The following GLRA3 variants were observed in gnomAD, a reference collection of about 807,000 sequenced individuals.
The protein encoded by GLRA3 is glycine receptor alpha 3, also known as glycine receptor subunit alpha-3.
A neutral mutation model predicts 60.4 loss-of-function variants in GLRA3; 44 were observed. The observed-to-expected ratio is 0.73, with a 90% CI of 0.57 to 0.94. GLRA3 has a LOEUF of 0.94. GLRA3 is among the 40% of genes least tolerant of loss of function. The probability of loss-of-function intolerance (pLI) is 0.00; values close to 1 mark genes in which losing one functional copy is unlikely to be tolerated. For synonymous variants in GLRA3, 223 were observed against 192.9 expected, an observed-to-expected ratio of 1.16 and a Z score of -1.29; for missense variants, 508 against 564.6, an observed-to-expected ratio of 0.90 and a Z score of 1.02.
At chr4:174,699,812 A>ATAATTTATTTGT in intron 5 of GLRA3, among the ~76,000 whole-genome samples, 1 of 9,002 alleles carries the variant, frequency 1.1e-4, no homozygotes, top group Non-Finnish European at 4.5e-4. Flanking sequence ...TATTTAATTA[A>ATAATTTATTTGT]TAATTAATAA....
chr4:174,809,011 T>C (rs1404849264), intron 1 of GLRA3, among the ~76,000 whole-genome samples: 1 of 152,162 alleles, frequency 6.6e-6, no homozygotes, highest in Non-Finnish European at 1.5e-5. Context: ...AATTCGACAC[T>C]AGTGTACAGT....
intron 2 of GLRA3, among the ~76,000 whole-genome samples, chr4:174,778,873 A>C (rs1317269519): frequency 6.6e-6 from 1 of 152,244 alleles, no homozygotes; most frequent in Middle Eastern, 3.2e-3. Context: ...TCAAACTGCA[A>C]GGCGGCAGTG....
chr4:174,809,603 C>T (rs1257028469), intron 1 of GLRA3, among the ~76,000 whole-genome samples: 1 of 152,014 alleles, frequency 6.6e-6, no homozygotes, highest in Non-Finnish European at 1.5e-5. Context: ...TATGGTGGCA[C>T]ATGCCTCTAA....
intron 3 of GLRA3, among the ~76,000 whole-genome samples, chr4:174,748,283 G>T (rs1737328081): frequency 6.6e-6 from 1 of 152,164 alleles, no homozygotes; most frequent in Admixed American, 6.5e-5. Context: ...AAGATGTCAA[G>T]AAAGTTTAAG....
chr4:174,826,367 C>A (rs987250151), intron 1 of GLRA3, among the ~76,000 whole-genome samples: 8 of 151,950 alleles, frequency 5.3e-5, no homozygotes, highest in Non-Finnish European at 7.4e-5. Context: ...AAAAGATATA[C>A]TTATTATATA....
At chr4:174,792,785 A>C (rs1041980416) in intron 1 of GLRA3, among the ~76,000 whole-genome samples, 4 of 152,170 alleles carry the variant, frequency 2.6e-5, no homozygotes, top group African/African-American at 9.7e-5. Context: ...ATAGATTTGC[A>C]AATGGGGTCT....
At chr4:174,717,995 T>TG (rs1735987728) in intron 4 of GLRA3, among the ~76,000 whole-genome samples, 1 of 152,186 alleles carries the variant, frequency 6.6e-6, no homozygotes, top group South Asian at 2.1e-4. Context: ...CAAATTCATA[T>TG]CCTGGCTATT....
chr4:174,639,372 A>ATGTGTGTGTG lies in GLRA3; in HGVS notation c.*4404_*4413dup, dbSNP rs10541642. 8 of 146,650 alleles carry ATGTGTGTGTG rather than the reference A, an allele frequency of 5.5e-5. No homozygotes were observed. Among genetic ancestry groups the ATGTGTGTGTG allele is most frequent in the Non-Finnish European group, 9.0e-5 (6 of 66,642 alleles). The allele number at this position is 146,650 out of a possible 1,614,324, so 9.1% of individuals were successfully genotyped here. Reference sequence around the variant, plus strand: ...AATTCATCTCATTACCAATATGTGTATGTGTGTGTGTGTGTGTGTGTGTGT... The same window carrying ATGTGTGTGTG: ...AATTCATCTCATTACCAATATGTGTATGTGTGTGTGTGTGTGTGTGTGTGTGTGTGTGTGT... On this transcript the variant is annotated 3_prime_UTR_variant, in exon 10 of 10. Transcript: ENST00000274093.
At chr4:174,706,618 T>C (rs1237712886) in intron 5 of GLRA3, among the ~76,000 whole-genome samples, 1 of 152,192 alleles carries the variant, frequency 6.6e-6, no homozygotes, top group Non-Finnish European at 1.5e-5. Context: ...TCGGGTTCTA[T>C]AAGAATAGAA....
At chr4:174,785,579 G>A (rs1220856513) in intron 2 of GLRA3, among the ~76,000 whole-genome samples, 1 of 151,964 alleles carries the variant, frequency 6.6e-6, no homozygotes, top group African/African-American at 2.4e-5. Context: ...TTTTATGTTT[G>A]CCTTTTACAA....
At chr4:174,759,223 A>G (rs1320471905) in intron 3 of GLRA3, among the ~76,000 whole-genome samples, 1 of 152,098 alleles carries the variant, frequency 6.6e-6, no homozygotes, top group African/African-American at 2.4e-5. Flanking sequence ...TAGGTGGTGT[A>G]ATTATATGAA....
intron 2 of GLRA3, among the ~76,000 whole-genome samples, chr4:174,774,032 T>G (rs1738496584): frequency 6.6e-6 from 1 of 152,092 alleles, no homozygotes; most frequent in Non-Finnish European, 1.5e-5. Context: ...TGTGTCTCCA[T>G]GGGGCCATCC....
chr4:174,709,801 G>A (rs76447467), intron 5 of GLRA3, among the ~76,000 whole-genome samples: 148 of 152,138 alleles, frequency 9.7e-4, no homozygotes, highest in African/African-American at 3.3e-3. Flanking sequence ...TCTCAGTGAT[G>A]AGTTAGCATT....
chr4:174,684,925 T>C (rs956716931), intron 5 of GLRA3, among the ~76,000 whole-genome samples: 1 of 151,912 alleles, frequency 6.6e-6, no homozygotes, highest in African/African-American at 2.4e-5. Flanking sequence ...AGGAGAATCA[T>C]TTGAACCTGG....
intron 1 of GLRA3, among the ~76,000 whole-genome samples, chr4:174,791,810 G>A (rs1739358103): frequency 6.6e-6 from 1 of 152,114 alleles, no homozygotes; most frequent in Non-Finnish European, 1.5e-5. Flanking sequence ...AATATACTGT[G>A]GCGACTATGG....
intron 4 of GLRA3, among the ~76,000 whole-genome samples, chr4:174,726,504 C>T (rs1349189837): frequency 6.6e-6 from 1 of 152,130 alleles, no homozygotes; most frequent in Middle Eastern, 3.2e-3. Context: ...TTCCTAACCT[C>T]TAGGGAATAT....
intron 7 of GLRA3, among the ~76,000 whole-genome samples, chr4:174,659,559 A>C (rs1236668421): frequency 6.6e-6 from 1 of 152,182 alleles, no homozygotes; most frequent in African/African-American, 2.4e-5. Context: ...AAAAAAATTA[A>C]AATTGTATTT....
At position 174,650,632 on chromosome 4, in the gene GLRA3, G is replaced by A. The variant is rs1732991990; in HGVS notation, c.1116+6111C>T. Among the ~76,000 whole-genome samples, 2 of 152,200 alleles carry A rather than the reference G, an allele frequency of 1.3e-5. 1 individual carries two copies. The highest frequency in any genetic ancestry group is 4.8e-5 in the African/African-American group (2 of 41,454). ...CTGAAATACCTACCCCATCATGGGT[G>A]ATGTCAAAAAGGCATTCCAGTCTAA... On this transcript the variant is annotated intron_variant, in intron 9 of 9. Transcript: ENST00000274093.
chr4:174,665,041 C>T lies in GLRA3; in HGVS notation c.928-5844G>A, dbSNP rs147818519. 1.5e-3 allele frequency among the ~76,000 whole-genome samples: 225 copies of T among 152,058 alleles called. 1 individual carries two copies. Among genetic ancestry groups the T allele is most frequent in the African/African-American group, 4.9e-3 (202 of 41,460 alleles). On this transcript the variant is annotated intron_variant, in intron 7 of 9. Transcript: ENST00000274093. ...TTGTAAAGAAAATTTGGGAGGGTAA[C>T]GATATGAAAGACTGGGAGAAGGAGG...
Sources: allele counts gnomAD v4.1 joint callset (sites outside exome capture counted in the v4.1 genomes callset), GRCh38; gene constraint gnomAD v4.1.1; transcripts MANE v1.5; gene names NCBI Gene and HGNC (gene_info 2026-07-23, HGNC 2026-07-21).